Variants in MDN1 observed in about 807,000 individuals in gnomAD.
The protein encoded by MDN1 is midasin.
A neutral mutation model predicts 669.2 loss-of-function variants in MDN1; 266 were observed. The observed-to-expected ratio is 0.40, with a 90% CI of 0.36 to 0.44. The LOEUF is 0.44. MDN1 is among the 20% of genes least tolerant of loss of function. MDN1 has a pLI of 1.00. For missense variants in MDN1, 5,940 were observed against 6,754.0 expected, an observed-to-expected ratio of 0.88 and a Z score of 4.22; for synonymous variants, 2,385 against 2,457.1, an observed-to-expected ratio of 0.97 and a Z score of 0.87.
Position 89,761,649 on chromosome 6 carries a change from A to G in MDN1, c.2456T>C (p.Val819Ala). ...AAATAACAAAAACAGAAATACCTCT[A>G]CAAATGCGAACAATAAGGTATTTTC... ...MTENTLLFAFVEGTLAQAVKK... is the reference protein window; with the variant it reads ...MTENTLLFAFAEGTLAQAVKK... Residue 819 changes from valine to alanine, a missense_variant, in exon 17 of 102, where the codon GTA becomes GCA. Val to Ala is a moderately conservative substitution (Grantham distance 64, BLOSUM62 0). Around this residue, in one of 5 missense-constraint regions of MDN1, gnomAD observed 1,203 missense variants for 1,268.9 expected, o/e 0.95. Transcript: ENST00000369393. 6.2e-7 allele frequency: 1 copy of G among 1,604,326 alleles called. No homozygotes were observed. Among genetic ancestry groups the G allele is most frequent in the Non-Finnish European group, 8.5e-7 (1 of 1,174,034 alleles).
chr6:89,716,695 A>G lies in MDN1; in HGVS notation c.6698T>C (p.Leu2233Pro). The change falls in exon 44 of 102, where the codon CTG (leucine) becomes CCG (proline). Residue 2233 changes from leucine (L) to proline (P), a missense_variant. Leu to Pro is a moderately conservative substitution (Grantham distance 98). This residue lies in a region of MDN1 where 2,292 missense variants were observed against 2,638.3 expected (regional missense o/e 0.87). Coordinates refer to ENST00000369393, the MANE Select transcript of MDN1 (RefSeq NM_014611.3). ...CATCAGAAGCCAGTCTCCAGACTTC[A>G]GGGCCTGAACCAACATGCTGTCAAC... Reference protein sequence around the residue: ...EWVDSMLVQALKSGDWLLMDN... With the variant: ...EWVDSMLVQAPKSGDWLLMDN... The G allele has an allele frequency of 6.2e-7, 1 of 1,613,950 alleles. No homozygotes were observed. Among genetic ancestry groups the G allele is most frequent in the Non-Finnish European group, 8.5e-7 (1 of 1,179,896 alleles).
chr6:89,753,983 A>C, intron 21 of MDN1, 100 bp downstream of exon 21: 1 of 1,283,282 alleles, frequency 7.8e-7, no homozygotes, highest in Non-Finnish European at 1.1e-6. Context: ...GATCTGACTA[A>C]CTGGAAAGCA....
intron 1 of MDN1, among the ~76,000 whole-genome samples, chr6:89,813,549 C>CAAAA (rs531368427): frequency 2.9e-5 from 2 of 68,258 alleles, no homozygotes; most frequent in African/African-American, 6.0e-5. Flanking sequence ...GACTCTGTCT[C>CAAAA]AAAAAAAAAA....
chr6:89,711,986 A>AT (rs1813966075), intron 49 of MDN1, 50 bp downstream of exon 49: 40 of 1,448,612 alleles, frequency 2.8e-5, no homozygotes, highest in Non-Finnish European at 3.8e-5. Flanking sequence ...CTTAAATAGC[A>AT]TAAGTGTATA....
At chr6:89,692,324 C>T in intron 63 of MDN1, 119 bp downstream of exon 63, 1 of 848,642 alleles carries the variant, frequency 1.2e-6, no homozygotes, top group South Asian at 1.9e-5. Flanking sequence ...AAACAAAATG[C>T]CCACGCCCCA....
At chr6:89,806,601 C>T (rs1768038916) in intron 1 of MDN1, among the ~76,000 whole-genome samples, 2 of 151,942 alleles carry the variant, frequency 1.3e-5, no homozygotes, top group African/African-American at 4.8e-5. Flanking sequence ...GTCTGTAATC[C>T]CAGCTACTTG....
At position 89,676,125 on chromosome 6, in the gene MDN1, C is replaced by T. The variant is rs369135737; in HGVS notation, c.12622G>A (p.Ala4208Thr). Residue 4208 changes from alanine (A) to threonine (T), a missense_variant, in exon 77 of 102, where the codon GCA becomes ACA. This residue lies in a region of MDN1 where 2,280 missense variants were observed against 2,576.3 expected (regional missense o/e 0.88). Coordinates refer to ENST00000369393, the MANE Select transcript of MDN1 (RefSeq NM_014611.3). Reference sequence around the variant, plus strand: ...ACCTTGGCAGGAGTTGCTAGTGCTGCGTTAAGCCTGGCATGCCGTGCAAGA... The same window carrying T: ...ACCTTGGCAGGAGTTGCTAGTGCTGTGTTAAGCCTGGCATGCCGTGCAAGA... ...RSLARHARLN[A>T]ALATPAKEMG... is the part of the protein sequence containing the mutation. 7 of 1,614,050 alleles carry T rather than the reference C, an allele frequency of 4.3e-6. No individual in the cohort carries two copies. Among genetic ancestry groups the T allele is most frequent in the African/African-American group, 4.0e-5 (3 of 74,918 alleles).
chr6:89,684,265 C>A (rs1048997881), intron 71 of MDN1, among the ~76,000 whole-genome samples: 1 of 152,002 alleles, frequency 6.6e-6, no homozygotes, highest in South Asian at 2.1e-4. Flanking sequence ...ATTGCTTGAA[C>A]CCGGGAGGCA....
chr6:89,647,915 T>C, intron 99 of MDN1, 117 bp downstream of exon 99: 1 of 771,356 alleles, frequency 1.3e-6, no homozygotes, highest in Non-Finnish European at 2.2e-6. Context: ...ATGGCGCCAT[T>C]GTACTCTAGC....
chr6:89,682,662 C>T (rs548985917), intron 73 of MDN1, among the ~76,000 whole-genome samples: 5 of 138,780 alleles, frequency 3.6e-5, no homozygotes, highest in African/African-American at 1.1e-4. Flanking sequence ...GAGCCGAGAT[C>T]GTGCCACTGC....
At chr6:89,744,115 A>AC (rs1424508102) in intron 29 of MDN1, among the ~76,000 whole-genome samples, 71 of 144,050 alleles carry the variant, frequency 4.9e-4, no homozygotes, top group Admixed American at 2.0e-3. Flanking sequence ...AAAAAAAAAA[A>AC]AAAAAAAAAA....
At position 89,662,950 on chromosome 6, in the gene MDN1, A is replaced by G. The variant is rs775533682; in HGVS notation, c.14254T>C (p.Ser4752Pro). ...LEEQEEDDEK[S>P]DSEGGDLDKH... Reference sequence around the variant, plus strand: ...TCCAGGTCTCCGCCCTCACTATCTGATTTCTCATCATCCTCTTCTGAAAGG... The same window carrying G: ...TCCAGGTCTCCGCCCTCACTATCTGGTTTCTCATCATCCTCTTCTGAAAGG... Residue 4752 changes from serine (S) to proline (P), a missense_variant, in exon 86 of 102, where the codon TCA (serine) becomes CCA (proline). Physicochemically the swap from Ser to Pro is moderately conservative, Grantham distance 74 (BLOSUM62 -1). Around this residue, in one of 5 missense-constraint regions of MDN1, gnomAD observed 2,280 missense variants for 2,576.3 expected, o/e 0.88. Transcript: ENST00000369393. 9 of 1,613,760 alleles carry G rather than the reference A, an allele frequency of 5.6e-6. No homozygotes were observed. In the African/African-American group the frequency reaches 8.0e-5, roughly 14 times the overall value.
intron 7 of MDN1, among the ~76,000 whole-genome samples, chr6:89,788,383 T>C (rs909509163): frequency 6.6e-6 from 1 of 152,206 alleles, no homozygotes; most frequent in African/African-American, 2.4e-5. Flanking sequence ...GGTAGTGACA[T>C]TTGCTAAACC....
chr6:89,650,818 A>G lies in MDN1; in HGVS notation c.15945T>C (p.Ser5315=). The G allele has an allele frequency of 6.2e-7, 1 of 1,614,038 alleles. No individual in the cohort carries two copies. Among genetic ancestry groups the G allele is most frequent in the Non-Finnish European group, 8.5e-7 (1 of 1,179,962 alleles). The change falls in exon 96 of 102, where the codon AGT becomes AGC. Residue 5315 remains serine (S), a synonymous_variant. Transcript: ENST00000369393. ...AAAGAGGCGCTGTTAAGATCAGGTA[A>G]CTCTGCCACATCTCAGCTGCAACCT... is the stretch of plus-strand genomic sequence containing the variant. ...EEKVAAEMWQ[S]YLILTAPLSQ...
chr6:89,687,979 C>G, intron 67 of MDN1, 99 bp downstream of exon 67: 1 of 1,096,016 alleles, frequency 9.1e-7, no homozygotes, highest in Non-Finnish European at 1.4e-6. Flanking sequence ...CTTTTTCTAG[C>G]CCAAACTATA....
intron 24 of MDN1, 141 bp downstream of exon 24, chr6:89,750,213 T>C (rs1816869289): frequency 1.2e-6 from 1 of 817,568 alleles, no homozygotes; most frequent in East Asian, 2.6e-5. Flanking sequence ...CCCTTAACTA[T>C]CTTAGCTCAG....
At position 89,762,537 on chromosome 6, in the gene MDN1, C is replaced by A; in HGVS notation, c.2145-7G>T. The A allele has an allele frequency of 6.3e-7, 1 of 1,598,430 alleles. No homozygotes were observed. Among genetic ancestry groups the A allele is most frequent in the South Asian group, 1.1e-5 (1 of 89,834 alleles). ...ATGGTCCACCGGTTTATAACTGAAA[C>A]AGACACAGGTAAATGTGATTCACAA... On this transcript the variant is annotated splice_polypyrimidine_tract_variant and splice_region_variant and intron_variant, in intron 15 of 101. Transcript: ENST00000369393.
In MDN1 at chr6:89,776,687, G is replaced by A; in HGVS notation, c.1734C>T (p.Asp578=). Residue 578 remains aspartate, a synonymous_variant, in exon 12 of 102, where the codon GAC becomes GAT. Transcript: ENST00000369393. ...ASLNIFQEAL[D]CFTAMLSEHT... ...GCTCAGAAAGCATTGCTGTGAAACA[G>A]TCTAGAGCCTATTAAAATAACCAAG... 6.3e-7 allele frequency: 1 copy of A among 1,588,662 alleles called. No homozygotes were observed.
At chr6:89,801,885 C>A (rs1446675620) in intron 2 of MDN1, among the ~76,000 whole-genome samples, 1 of 151,768 alleles carries the variant, frequency 6.6e-6, no homozygotes, top group Non-Finnish European at 1.5e-5. Flanking sequence ...TCACTTGAAC[C>A]CAGGAGAAAG....
Sources: allele counts gnomAD v4.1 joint callset (sites outside exome capture counted in the v4.1 genomes callset), GRCh38; gene constraint gnomAD v4.1.1; regional missense constraint gnomAD v4.1.1; transcripts MANE v1.5; gene names NCBI Gene and HGNC (gene_info 2026-07-23, HGNC 2026-07-21).